PARD3B: variants seen among roughly 807,000 people sequenced by gnomAD.
PARD3B encodes par-3 family cell polarity regulator beta, also known as partitioning defective 3 homolog B.
Under a neutral mutation model 130.2 loss-of-function variants are expected in PARD3B, and 103 were observed. The ratio of observed to expected loss-of-function variants is 0.79; its 90% confidence interval spans 0.67 to 0.93. PARD3B has a LOEUF of 0.93. PARD3B is among the 40% of genes least tolerant of loss of function. The probability of loss-of-function intolerance (pLI) is 0.00; values close to 1 mark genes in which losing one functional copy is unlikely to be tolerated. For synonymous variants in PARD3B, 583 were observed against 553.2 expected, an observed-to-expected ratio of 1.05 and a Z score of -0.76; for missense variants, 1,609 against 1,499.2, an observed-to-expected ratio of 1.07 and a Z score of -1.21.
intron 1 of PARD3B, among the ~76,000 whole-genome samples, chr2:204,659,234 A>G (rs757026144): frequency 5.9e-5 from 9 of 152,154 alleles, no homozygotes; most frequent in Admixed American, 2.0e-4. Context: ...GACATAATTG[A>G]ACAATTGTGT....
chr2:205,554,260 T>TTA (rs2052781287), intron 22 of PARD3B, among the ~76,000 whole-genome samples: 1 of 151,902 alleles, frequency 6.6e-6, no homozygotes, highest in African/African-American at 2.4e-5. Context: ...AGAGTTTTTT[T>TTA]ATCAAAACTG....
At chr2:204,756,287 T>G (rs1203126108) in intron 2 of PARD3B, among the ~76,000 whole-genome samples, 2 of 152,174 alleles carry the variant, frequency 1.3e-5, no homozygotes, top group Non-Finnish European at 2.9e-5. Flanking sequence ...GGTGTTTCTT[T>G]ATGATATTTA....
rs1368140293 is a variant in PARD3B, at chr2:204,545,980, C to T, written c.-20C>T. The T allele has an allele frequency of 6.5e-7, 1 of 1,547,692 alleles. No individual in the cohort carries two copies. The highest frequency in any genetic ancestry group is 8.7e-7 in the Non-Finnish European group (1 of 1,146,730). ...CAGACACCTGTTCGGCCCGGCCCGG[C>T]GTGGTCGCCGGGGGCCAGGATGAAA... On this transcript the variant is annotated 5_prime_UTR_variant, in exon 1 of 23. Transcript: ENST00000406610.
intron 2 of PARD3B, among the ~76,000 whole-genome samples, chr2:204,894,193 T>C (rs527303195): frequency 7.9e-5 from 12 of 152,264 alleles, no homozygotes; most frequent in African/African-American, 2.6e-4. Flanking sequence ...GAATTATACA[T>C]GTTGGTATTC....
intron 22 of PARD3B, among the ~76,000 whole-genome samples, chr2:205,606,337 C>T (rs748459400): frequency 6.6e-6 from 1 of 152,206 alleles, no homozygotes; most frequent in Non-Finnish European, 1.5e-5. Context: ...CACTCACTGC[C>T]TCCCTTGGCT....
At chr2:204,963,807 A>G (rs531295969) in intron 2 of PARD3B, among the ~76,000 whole-genome samples, 3 of 152,334 alleles carry the variant, frequency 2.0e-5, no homozygotes, top group Non-Finnish European at 4.4e-5. Context: ...GCTCAATTTC[A>G]AGAATTAAAA....
intron 10 of PARD3B, among the ~76,000 whole-genome samples, chr2:205,140,432 A>G (rs2032852468): frequency 6.8e-6 from 1 of 147,076 alleles, no homozygotes; most frequent in South Asian, 2.2e-4. Flanking sequence ...TTGAGTAGAC[A>G]TTAATTACCA....
intron 18 of PARD3B, among the ~76,000 whole-genome samples, chr2:205,319,739 T>G (rs988500241): frequency 6.6e-6 from 1 of 152,228 alleles, no homozygotes; most frequent in Admixed American, 6.5e-5. Context: ...CTGAGCTAAT[T>G]CTTGATTGTG....
At chr2:205,206,935 C>A (rs1345715352) in intron 15 of PARD3B, among the ~76,000 whole-genome samples, 23 of 148,314 alleles carry the variant, frequency 1.6e-4, no homozygotes, top group East Asian at 2.0e-4. Flanking sequence ...CACCACACCA[C>A]ACCTATTCCA....
At chr2:205,430,999 T>C (rs2047314218) in intron 19 of PARD3B, among the ~76,000 whole-genome samples, 1 of 152,204 alleles carries the variant, frequency 6.6e-6, no homozygotes, top group Non-Finnish European at 1.5e-5. Flanking sequence ...TTTGGAAGTA[T>C]GTAGGGGGAT....
At chr2:205,052,452 A>ATATATATATCTATATATAT (rs1443249681) in intron 4 of PARD3B, among the ~76,000 whole-genome samples, 1 of 20,534 alleles carries the variant, frequency 4.9e-5, no homozygotes, top group Non-Finnish European at 9.2e-5. Flanking sequence ...TATATATATA[A>ATATATATATCTATATATAT]AATTAAAAAA....
chr2:205,172,428 C>A, intron 12 of PARD3B, 47 bp downstream of exon 12: 1 of 1,551,602 alleles, frequency 6.4e-7, no homozygotes. Flanking sequence ...AAATTGCCAC[C>A]AGAATATGCA....
At chr2:205,098,012 T>C (rs1296802207) in intron 4 of PARD3B, among the ~76,000 whole-genome samples, 1 of 152,186 alleles carries the variant, frequency 6.6e-6, no homozygotes, top group Non-Finnish European at 1.5e-5. Flanking sequence ...TCAAATTGCA[T>C]GTTAATTTCA....
At chr2:204,583,054 G>A (rs1039632456) in intron 1 of PARD3B, among the ~76,000 whole-genome samples, 2 of 150,314 alleles carry the variant, frequency 1.3e-5, no homozygotes, top group African/African-American at 4.9e-5. Context: ...AACCATTGTG[G>A]AAGTCAGTGT....
chr2:204,685,230 C>T (rs540966030), intron 1 of PARD3B, among the ~76,000 whole-genome samples: 160 of 152,126 alleles, frequency 1.1e-3, no homozygotes, highest in South Asian at 3.9e-3. Context: ...GGTATCTGTT[C>T]GTTTATTGGA....
intron 2 of PARD3B, among the ~76,000 whole-genome samples, chr2:204,747,496 G>A (rs558519584): frequency 6.6e-6 from 1 of 152,212 alleles, no homozygotes; most frequent in South Asian, 2.1e-4. Context: ...CGTGAAAATG[G>A]CCATACTGCC....
intron 22 of PARD3B, among the ~76,000 whole-genome samples, chr2:205,561,518 G>A (rs150329595): frequency 1.8e-4 from 27 of 152,250 alleles, no homozygotes; most frequent in East Asian, 9.7e-4. Context: ...TTCTCTGTGC[G>A]ACAAGGCCAG....
chr2:205,256,812 A>G (rs1173752349), intron 16 of PARD3B, among the ~76,000 whole-genome samples: 1 of 152,102 alleles, frequency 6.6e-6, no homozygotes, highest in Non-Finnish European at 1.5e-5. Flanking sequence ...TCCCGGAGTC[A>G]TACTGGAAAC....
intron 21 of PARD3B, among the ~76,000 whole-genome samples, chr2:205,552,280 G>A (rs1259027800): frequency 2.1e-5 from 3 of 144,068 alleles, no homozygotes; most frequent in South Asian, 2.3e-4. Flanking sequence ...GTGGCCATTC[G>A]TAAGAGAGAG....
Sources: allele counts gnomAD v4.1 joint callset (sites outside exome capture counted in the v4.1 genomes callset), GRCh38; gene constraint gnomAD v4.1.1; transcripts MANE v1.5; gene names NCBI Gene and HGNC (gene_info 2026-07-23, HGNC 2026-07-21).